Variants in CEP43 observed in about 807,000 individuals in gnomAD.
CEP43 encodes the protein FGFR1 oncogene partner.
In CEP43, 36 loss-of-function variants were observed where a neutral mutation model predicts 52.6. That is an observed-to-expected ratio of 0.68 (90% CI 0.52 to 0.90). The LOEUF (loss-of-function observed/expected upper bound fraction) is 0.90. Ranked by LOEUF, CEP43 falls within the 40% of genes least tolerant of loss-of-function variation. CEP43 has a pLI of 0.00. For missense variants in CEP43, 506 were observed against 472.8 expected (o/e 1.07, Z -0.65); for synonymous variants, 192 against 172.4 (o/e 1.11, Z -0.89).
Position 167,042,530 on chromosome 6 carries a change from CCT to C in CEP43, c.*2556_*2557del. On this transcript the variant is annotated 3_prime_UTR_variant, in exon 13 of 13. Coordinates refer to ENST00000366847, the MANE Select transcript of CEP43 (RefSeq NM_007045.4). ...CAGCTCTTCCTCCCCTCCTTACTTCCCTCTCCTGCCCATGCACCAGAGCTGTG... is the reference window on the plus strand; with the variant it reads ...CAGCTCTTCCTCCCCTCCTTACTTCCCTCCTGCCCATGCACCAGAGCTGTG... 1 of 217,830 alleles carries C rather than the reference CCT, an allele frequency of 4.6e-6. No homozygotes were observed. The highest frequency in any genetic ancestry group is 7.8e-6 in the Non-Finnish European group (1 of 127,888). The allele number at this position is 217,830 out of a possible 1,614,324, so 13.5% of individuals were successfully genotyped here.
At chr6:167,025,130 T>C (rs550155221) in intron 9 of CEP43, 47 of 314,380 alleles carry the variant, frequency 1.5e-4, no homozygotes, top group Admixed American at 2.5e-4. Context: ...TCGGAATACT[T>C]TTGGGAAGTT....
intron 10 of CEP43, among the ~76,000 whole-genome samples, chr6:167,030,170 G>T (rs527906421): frequency 6.6e-6 from 1 of 152,172 alleles, no homozygotes; most frequent in Admixed American, 6.5e-5. Flanking sequence ...TTTTGAATTG[G>T]CTACAAATGC....
intron 6 of CEP43, among the ~76,000 whole-genome samples, chr6:167,012,702 C>T (rs368660491): frequency 1.5e-4 from 23 of 152,286 alleles, no homozygotes; most frequent in Admixed American, 5.2e-4. Flanking sequence ...TCCCTACATA[C>T]ATTTTAAGAT....
rs1453809342 is a variant in CEP43 at position 167,042,358 on chromosome 6, C to A, written c.*2380C>A. ...CAGTGGAGTTTTAAAAATGCTAGGTCTTTCTTTCATTTTATTGATAACTAC... is the reference window on the plus strand; with the variant it reads ...CAGTGGAGTTTTAAAAATGCTAGGTATTTCTTTCATTTTATTGATAACTAC... On this transcript the variant is annotated 3_prime_UTR_variant, in exon 13 of 13. Transcript: ENST00000366847. 1.1e-6 allele frequency: 1 copy of A among 943,308 alleles called. No homozygotes were observed. The highest frequency in any genetic ancestry group is 1.3e-6 in the Non-Finnish European group (1 of 790,802). The allele number at this position is 943,308 out of a possible 1,614,324, so 58.4% of individuals were successfully genotyped here.
Position 167,024,884 on chromosome 6 carries a change from A to C in CEP43, c.909A>C (p.Lys303Asn). ...LSSLAGAPSL[K>N]DSESKRGNTV... ...CCCTGGCGGGAGCCCCTTCTTTAAA[A>C]GACTCTGAGAGTAAGTGCCCAAAGA... The change falls in exon 9 of 13, where the codon AAA becomes AAC. Residue 303 changes from lysine (K) to asparagine (N), a missense_variant. Physicochemically the swap from Lys to Asn is moderately conservative, Grantham distance 94. Transcript: ENST00000366847. 1 of 1,589,430 alleles carries C rather than the reference A, an allele frequency of 6.3e-7. No homozygotes were observed.
At chr6:167,008,123 GT>G (rs71032893) in intron 5 of CEP43, among the ~76,000 whole-genome samples, 52,299 of 143,830 alleles carry the variant, frequency 0.36, 10,056 homozygotes, top group Non-Finnish European at 0.46. Context: ...AGCCTTATGT[GT>G]TTTTTTTTTT....
rs117026943 is a variant in CEP43 at position 167,043,446 on chromosome 6, C to T, written c.*3468C>T. 3,014 of 148,442 alleles carry T rather than the reference C, an allele frequency of 0.02. 48 individuals carry two copies. Among genetic ancestry groups the T allele is most frequent in the East Asian group, 0.09 (456 of 5,050 alleles). 9.2% of individuals were successfully genotyped at this position (148,442 alleles called of 1,614,324 possible). Reference sequence around the variant, plus strand: ...CCCAGGCTGGAGTGCCATGGGGCGACCTCGGCTCACTGCAACCCCTGCCTT... The same window carrying T: ...CCCAGGCTGGAGTGCCATGGGGCGATCTCGGCTCACTGCAACCCCTGCCTT... On this transcript the variant is annotated 3_prime_UTR_variant, in exon 13 of 13. Transcript: ENST00000366847.
At chr6:167,019,095 A>G (rs1207540960) in intron 7 of CEP43, among the ~76,000 whole-genome samples, 2 of 152,226 alleles carry the variant, frequency 1.3e-5, no homozygotes, top group African/African-American at 4.8e-5. Flanking sequence ...CTCTGATGCC[A>G]GGGGACTGAA....
In CEP43 at chr6:167,008,932, C is replaced by A. The variant is rs189903913; in HGVS notation, c.439-1881C>A. 4.2e-4 allele frequency among the ~76,000 whole-genome samples: 64 copies of A among 152,222 alleles called. 1 individual carries two copies. In the South Asian group the frequency reaches 6.6e-3, roughly 16 times the overall value. On this transcript the variant is annotated intron_variant, in intron 5 of 12. Coordinates refer to ENST00000366847, the MANE Select transcript of CEP43 (RefSeq NM_007045.4). ...AAACACATAAGAAGGCAAATCTAGA[C>A]AAGAATGGTAGCAGTAAGAATAGAA...
chr6:167,040,373 C>G lies in CEP43; in HGVS notation c.*395C>G. On this transcript the variant is annotated 3_prime_UTR_variant, in exon 13 of 13. Coordinates refer to ENST00000366847, the MANE Select transcript of CEP43 (RefSeq NM_007045.4). ...GATCTTTGAAAACCTTGGCTTTAGC[C>G]CTCTGGAATCAGAGCTTACCCACCA... The G allele has an allele frequency of 7.3e-7, 1 of 1,372,712 alleles. No individual in the cohort carries two copies. The highest frequency in any genetic ancestry group is 9.4e-7 in the Non-Finnish European group (1 of 1,065,682). 85.0% of individuals were successfully genotyped at this position (1,372,712 alleles called of 1,614,324 possible).
At chr6:167,004,013 G>A (rs1450984184) in intron 4 of CEP43, 1 of 587,406 alleles carries the variant, frequency 1.7e-6, no homozygotes, top group Non-Finnish European at 2.9e-6. Context: ...TTACTTGAAA[G>A]CTTGCTAATA....
chr6:167,004,301 A>G lies in CEP43; in HGVS notation c.338A>G (p.Asp113Gly). ...GAAGGTCGAGAGAATTTAGCCCGAGATTTAGGTATAATTGAAGCAGAAGGT... is the reference window on the plus strand; with the variant it reads ...GAAGGTCGAGAGAATTTAGCCCGAGGTTTAGGTATAATTGAAGCAGAAGGT... ...GLEGRENLARDLGIIEAEGTV... is the reference protein window; with the variant it reads ...GLEGRENLARGLGIIEAEGTV... The change falls in exon 5 of 13, where the codon GAT (aspartate) becomes GGT (glycine). Residue 113 changes from aspartate to glycine, a missense_variant. Coordinates refer to ENST00000366847, the MANE Select transcript of CEP43 (RefSeq NM_007045.4). 1 of 1,609,650 alleles carries G rather than the reference A, an allele frequency of 6.2e-7. No individual in the cohort carries two copies. Among genetic ancestry groups the G allele is most frequent in the South Asian group, 1.1e-5 (1 of 90,320 alleles).
At chr6:167,020,779 C>G (rs1477989664) in intron 7 of CEP43, among the ~76,000 whole-genome samples, 3 of 151,810 alleles carry the variant, frequency 2.0e-5, no homozygotes, top group South Asian at 4.1e-4. Context: ...CGTGGTGGCA[C>G]GCGCCTGAAA....
intron 10 of CEP43, chr6:167,027,913 G>T (rs1780389150): frequency 4.1e-6 from 4 of 985,784 alleles, no homozygotes; most frequent in Non-Finnish European, 3.6e-6. Flanking sequence ...TCCGCACAGT[G>T]CCCTGGAGTC....
chr6:167,033,066 A>G (rs896382904), intron 11 of CEP43, among the ~76,000 whole-genome samples: 1 of 136,034 alleles, frequency 7.4e-6, no homozygotes, highest in Non-Finnish European at 1.6e-5. Context: ...TAATATGTGG[A>G]TATGTGGTCT....
chr6:167,041,266 TG>T lies in CEP43; in HGVS notation c.*1289del. ...AGAAATTACTCCTTGGGCTCTAAAA[TG>T]TAGAGGAAATGAAAATGTAAGGATT... On this transcript the variant is annotated 3_prime_UTR_variant, in exon 13 of 13. Coordinates refer to ENST00000366847, the MANE Select transcript of CEP43 (RefSeq NM_007045.4). The T allele has an allele frequency of 9.5e-7, 1 of 1,049,132 alleles. No homozygotes were observed. The highest frequency in any genetic ancestry group is 1.2e-6 in the Non-Finnish European group (1 of 869,234). 65.0% of individuals were successfully genotyped at this position (1,049,132 alleles called of 1,614,324 possible).
intron 10 of CEP43, among the ~76,000 whole-genome samples, chr6:167,030,923 G>GC (rs1228210600): frequency 2.0e-5 from 3 of 149,220 alleles, no homozygotes; most frequent in African/African-American, 7.4e-5. Flanking sequence ...AACCAACCAA[G>GC]CCCTAATGAT....
At chr6:167,023,054 A>G (rs1293397563) in intron 8 of CEP43, among the ~76,000 whole-genome samples, 1 of 152,052 alleles carries the variant, frequency 6.6e-6, no homozygotes, top group Non-Finnish European at 1.5e-5. Flanking sequence ...TCCAAATTGG[A>G]GGGGGCCTCA....
intron 2 of CEP43, 31 bp from the exon 3 acceptor site, chr6:167,003,162 C>G (rs1437781221): frequency 2.9e-6 from 3 of 1,023,470 alleles, no homozygotes; most frequent in Non-Finnish European, 4.4e-6. Flanking sequence ...AGGGTAAACA[C>G]ATGACACTTA....
Sources: allele counts gnomAD v4.1 joint callset (sites outside exome capture counted in the v4.1 genomes callset), GRCh38; gene constraint gnomAD v4.1.1; transcripts MANE v1.5; gene names NCBI Gene and HGNC (gene_info 2026-07-23, HGNC 2026-07-21).